The following FAM171A1 variants were observed in gnomAD, a reference collection of about 807,000 sequenced individuals.
FAM171A1 encodes family with sequence similarity 171 member A1, also known as protein FAM171A1.
In FAM171A1, 23 loss-of-function variants were observed where a neutral mutation model predicts 74.9. The ratio of observed to expected loss-of-function variants is 0.31; its 90% CI spans 0.22 to 0.44. FAM171A1 has a LOEUF of 0.44. Among genes scored for constraint, FAM171A1 ranks in the 20% least tolerant of loss-of-function variants. The pLI is 1.00. For synonymous variants in FAM171A1, 527 were observed against 505.7 expected (o/e 1.04, Z -0.57); for missense variants, 1,162 against 1,159.2 (o/e 1.00, Z -0.03).
chr10:15,325,160 T>TTTCCAGCTG (rs377192832), intron 1 of FAM171A1, among the ~76,000 whole-genome samples: 2 of 152,356 alleles, frequency 1.3e-5, no homozygotes, highest in African/African-American at 4.8e-5. Flanking sequence ...CACTCTACAA[T>TTTCCAGCTG]TTCCAGCTGT....
rs1381189314 is a variant in FAM171A1 at position 15,365,862 on chromosome 10, C to T, written c.97+5094G>A. ...GACTTGAATCTAAAAGTAAGAGGAG[C>T]TGGCGAATGAAACAGAGGCTTGATC... On this transcript the variant is annotated intron_variant, in intron 1 of 7. Coordinates refer to ENST00000378116, the MANE Select transcript of FAM171A1 (RefSeq NM_001010924.2). Among the ~76,000 whole-genome samples, 3 of 151,812 alleles carry T rather than the reference C, an allele frequency of 2.0e-5. No homozygotes were observed. The East Asian group carries it at 5.8e-4, about 29-fold the overall frequency.
At chr10:15,246,187 T>C (rs893178063) in intron 5 of FAM171A1, among the ~76,000 whole-genome samples, 1 of 151,942 alleles carries the variant, frequency 6.6e-6, no homozygotes, top group African/African-American at 2.4e-5. Context: ...ACACACACCA[T>C]CAATGAAGTG....
At chr10:15,221,168 C>A (rs1193762985) in intron 5 of FAM171A1, 108 bp from the exon 6 acceptor site, 1 of 892,832 alleles carries the variant, frequency 1.1e-6, no homozygotes, top group Admixed American at 3.1e-5. Context: ...ATGTTTATGA[C>A]CTATAAGATA....
At chr10:15,310,548 C>T (rs1212950841) in intron 1 of FAM171A1, among the ~76,000 whole-genome samples, 1 of 152,162 alleles carries the variant, frequency 6.6e-6, no homozygotes, top group Non-Finnish European at 1.5e-5. Context: ...GTCTTTAAAA[C>T]GAAAACTCCT....
chr10:15,254,642 C>G, intron 4 of FAM171A1, 79 bp downstream of exon 4: 1 of 1,500,814 alleles, frequency 6.7e-7, no homozygotes. Flanking sequence ...AGTGCTAAAA[C>G]TCCCAATCAT....
chr10:15,318,082 T>C (rs1381860206), intron 1 of FAM171A1, among the ~76,000 whole-genome samples: 2 of 152,178 alleles, frequency 1.3e-5, no homozygotes, highest in Non-Finnish European at 2.9e-5. Flanking sequence ...GGGTGACCCA[T>C]AGCACCTGGC....
At chr10:15,331,868 TGTGTGTGTATA>T (rs1835640592) in intron 1 of FAM171A1, among the ~76,000 whole-genome samples, 1 of 50,964 alleles carries the variant, frequency 2.0e-5, no homozygotes, top group Admixed American at 1.9e-4. Flanking sequence ...TGTATATATA[TGTGTGTGTATA>T]CATATATATA....
At chr10:15,231,603 T>C (rs1834206795) in intron 5 of FAM171A1, among the ~76,000 whole-genome samples, 2 of 151,244 alleles carry the variant, frequency 1.3e-5, no homozygotes, top group African/African-American at 4.8e-5. Context: ...TGCCCTTTTG[T>C]GGGTGTGGCA....
rs1833918399 is a variant in FAM171A1, at chr10:15,213,315, T to C, written c.2273A>G (p.Asp758Gly). The C allele has an allele frequency of 6.2e-7, 1 of 1,614,090 alleles. No homozygotes were observed. The highest frequency in any genetic ancestry group is 1.3e-5 in the African/African-American group (1 of 75,018). The change falls in exon 8 of 8, where the codon GAT becomes GGT. Residue 758 changes from aspartate (D) to glycine (G), a missense_variant. Physicochemically the swap from Asp to Gly is moderately conservative, Grantham distance 94. Coordinates refer to ENST00000378116, the MANE Select transcript of FAM171A1 (RefSeq NM_001010924.2). This position sits in a 1 kb window ranked among gnomAD's most constrained non-coding sequence, Gnocchi z 6.8. The stretch of plus-strand genomic sequence containing the variant: ...GTAGTTCTGCTGCAGAGACAAAGCA[T>C]CTCCCCTTCCCTTCCGGGCTGATTT... ...EPKSARKGRGDALSLQQNYPP... is the reference protein window; with the variant it reads ...EPKSARKGRGGALSLQQNYPP...
chr10:15,254,054 C>T (rs1004100890), intron 4 of FAM171A1, among the ~76,000 whole-genome samples: 4 of 152,150 alleles, frequency 2.6e-5, no homozygotes, highest in Admixed American at 6.5e-5. Flanking sequence ...CAGGAGAGGG[C>T]GGATTCTAAA....
At chr10:15,263,929 G>A (rs549711877) in intron 3 of FAM171A1, among the ~76,000 whole-genome samples, 7 of 150,520 alleles carry the variant, frequency 4.7e-5, no homozygotes, top group African/African-American at 1.5e-4. Flanking sequence ...CCGTCCGTCC[G>A]TCCGTCCATC....
Position 15,214,503 on chromosome 10 carries a change from A to T in FAM171A1, c.1085T>A (p.Ile362Asn). The T allele has an allele frequency of 6.2e-7, 1 of 1,614,154 alleles. No homozygotes were observed. The highest frequency in any genetic ancestry group is 8.5e-7 in the Non-Finnish European group (1 of 1,180,024). The change falls in exon 8 of 8, where the codon ATT (isoleucine) becomes AAT (asparagine). Residue 362 changes from isoleucine to asparagine, a missense_variant. By Grantham distance (149) the Ile-to-Asn change is moderately radical (BLOSUM62 -3). Coordinates refer to ENST00000378116, the MANE Select transcript of FAM171A1 (RefSeq NM_001010924.2). Reference protein sequence around the residue: ...KRDQSTSMSHINLLFSRRASE... With the variant: ...KRDQSTSMSHNNLLFSRRASE... Reference sequence around the variant, plus strand: ...CGCTCGGCGTGAAAACAGCAAGTTAATGTGTGACATGGACGTGGACTGGTC... The same window carrying T: ...CGCTCGGCGTGAAAACAGCAAGTTATTGTGTGACATGGACGTGGACTGGTC...
chr10:15,314,663 G>T (rs1005881233), intron 1 of FAM171A1, among the ~76,000 whole-genome samples: 1 of 152,204 alleles, frequency 6.6e-6, no homozygotes, highest in Non-Finnish European at 1.5e-5. Context: ...TTATTTCGGG[G>T]GAAAGAGTTC....
intron 1 of FAM171A1, among the ~76,000 whole-genome samples, chr10:15,330,335 T>A (rs1239265429): frequency 6.6e-6 from 1 of 152,152 alleles, no homozygotes; most frequent in Non-Finnish European, 1.5e-5. Context: ...CAAGACTTTT[T>A]CTGAATTATT....
At chr10:15,235,010 G>A (rs867246176) in intron 5 of FAM171A1, among the ~76,000 whole-genome samples, 4 of 152,106 alleles carry the variant, frequency 2.6e-5, no homozygotes, top group Admixed American at 1.3e-4. Flanking sequence ...AAAAGGAGGG[G>A]TTAAAAAGTA....
intron 1 of FAM171A1, among the ~76,000 whole-genome samples, chr10:15,297,347 C>T (rs191395603): frequency 1.3e-5 from 2 of 152,302 alleles, no homozygotes; most frequent in Non-Finnish European, 1.5e-5. Flanking sequence ...GCATGAACCA[C>T]CGCACCTGGC....
intron 3 of FAM171A1, among the ~76,000 whole-genome samples, chr10:15,269,759 C>T (rs4750615): frequency 0.71 from 107,814 of 152,106 alleles, 38,464 homozygotes; most frequent in South Asian, 0.84. Flanking sequence ...GGGATGGTGG[C>T]ACACAGAGTG....
intron 3 of FAM171A1, among the ~76,000 whole-genome samples, chr10:15,270,535 C>A (rs1050314944): frequency 6.6e-6 from 1 of 152,196 alleles, no homozygotes; most frequent in African/African-American, 2.4e-5. Flanking sequence ...AGTAGTGGTT[C>A]TCCAGCACAG....
chr10:15,336,675 T>C (rs4357594), intron 1 of FAM171A1, among the ~76,000 whole-genome samples: 149,984 of 152,280 alleles, frequency 0.98, 73,891 homozygotes, highest in East Asian at 1. Context: ...TTATTTTCAG[T>C]TCCATGGAAA....
Sources: allele counts gnomAD v4.1 joint callset (sites outside exome capture counted in the v4.1 genomes callset), GRCh38; gene constraint gnomAD v4.1.1; non-coding constraint Gnocchi (gnomAD v3.1); transcripts MANE v1.5; gene names NCBI Gene and HGNC (gene_info 2026-07-23, HGNC 2026-07-21).